COL4A2: variants seen among roughly 807,000 people sequenced by gnomAD.
The protein encoded by COL4A2 is collagen type IV alpha 2 chain.
A neutral mutation model predicts 200.2 loss-of-function variants in COL4A2; 99 were observed. The ratio of observed to expected loss-of-function variants is 0.49; its 90% CI spans 0.42 to 0.58. COL4A2 has a LOEUF of 0.58. Ranked by LOEUF, COL4A2 falls within the 20% of genes least tolerant of loss-of-function variation. The pLI is 0.00. For synonymous variants in COL4A2, 897 were observed against 900.6 expected, an observed-to-expected ratio of 1.00 and a Z score of 0.07; for missense variants, 1,950 against 2,314.1, an observed-to-expected ratio of 0.84 and a Z score of 3.23.
chr13:110,451,285 G>A lies in COL4A2; in HGVS notation c.1339+831G>A, dbSNP rs373144858. ...TAAAGACCAAGCTTGTCCAACCCAC[G>A]GGCCACATGCGGCCCAGGACGGCTT... On this transcript the variant is annotated intron_variant, in intron 20 of 47. Coordinates refer to ENST00000360467, the MANE Select transcript of COL4A2 (RefSeq NM_001846.4). Among the ~76,000 whole-genome samples the A allele has an allele frequency of 4.6e-5, 7 of 152,296 alleles. No homozygotes were observed. In the East Asian group the frequency reaches 9.6e-4, roughly 21 times the overall value.
At chr13:110,313,069 C>CA (rs1474606000) in intron 3 of COL4A2, among the ~76,000 whole-genome samples, 2 of 152,090 alleles carry the variant, frequency 1.3e-5, no homozygotes, top group Non-Finnish European at 1.5e-5. Flanking sequence ...CAGCCTGCAC[C>CA]AGGATATCGC....
chr13:110,336,930 C>T (rs1305445490), intron 3 of COL4A2, among the ~76,000 whole-genome samples: 1 of 152,186 alleles, frequency 6.6e-6, no homozygotes, highest in Non-Finnish European at 1.5e-5. Flanking sequence ...CCTGGGTTGC[C>T]TCTGTGCTCC....
chr13:110,466,975 C>A, intron 26 of COL4A2, 65 bp from the exon 27 acceptor site: 1 of 1,607,420 alleles, frequency 6.2e-7, no homozygotes, highest in Non-Finnish European at 8.5e-7. Context: ...CTTGGGGATC[C>A]CCAAGGCCGT....
At position 110,501,113 on chromosome 13, in the gene COL4A2, G is replaced by T. The variant is rs539223325; in HGVS notation, c.3761-555G>T. Reference sequence around the variant, plus strand: ...TGAATGCCAGTGTTGATTTGGGGGGGATTCCAAGTGAGTTTTAGTGAGTGG... The same window carrying T: ...TGAATGCCAGTGTTGATTTGGGGGGTATTCCAAGTGAGTTTTAGTGAGTGG... On this transcript the variant is annotated intron_variant, in intron 40 of 47. Coordinates refer to ENST00000360467, the MANE Select transcript of COL4A2 (RefSeq NM_001846.4). 7.9e-5 allele frequency among the ~76,000 whole-genome samples: 12 copies of T among 152,280 alleles called. No individual in the cohort carries two copies. In the South Asian group the frequency reaches 1.7e-3, roughly 21 times the overall value.
At chr13:110,393,950 G>A (rs1879090518) in intron 4 of COL4A2, among the ~76,000 whole-genome samples, 1 of 152,078 alleles carries the variant, frequency 6.6e-6, no homozygotes, top group Non-Finnish European at 1.5e-5. Context: ...CATTACTGTA[G>A]GACTCATAGT....
intron 3 of COL4A2, among the ~76,000 whole-genome samples, chr13:110,310,042 C>G (rs1375233767): frequency 1.3e-5 from 2 of 152,198 alleles, no homozygotes; most frequent in Non-Finnish European, 2.9e-5. Context: ...TAGCTCTGCC[C>G]TAATCTCTTA....
chr13:110,404,851 G>C (rs1364030845), intron 4 of COL4A2, among the ~76,000 whole-genome samples: 1 of 152,198 alleles, frequency 6.6e-6, no homozygotes, highest in Non-Finnish European at 1.5e-5. Flanking sequence ...ATGAGTTGGG[G>C]CTGGGCACGG....
intron 32 of COL4A2, 131 bp from the exon 33 acceptor site, chr13:110,484,774 T>C: frequency 1.5e-6 from 2 of 1,327,512 alleles, no homozygotes; most frequent in Non-Finnish European, 2.0e-6. Context: ...TCCGGCGCCC[T>C]TGGTCTCTCT....
chr13:110,336,577 G>A (rs182770841), intron 3 of COL4A2, among the ~76,000 whole-genome samples: 2 of 152,128 alleles, frequency 1.3e-5, no homozygotes, highest in East Asian at 3.9e-4. Context: ...GTGGAGGAAA[G>A]AGTTAAACAT....
At chr13:110,404,852 C>T (rs903286236) in intron 4 of COL4A2, among the ~76,000 whole-genome samples, 3 of 152,196 alleles carry the variant, frequency 2.0e-5, no homozygotes, top group African/African-American at 7.2e-5. Context: ...TGAGTTGGGG[C>T]TGGGCACGGT....
At chr13:110,430,013 AAC>A in intron 8 of COL4A2, 57 bp downstream of exon 8, 1 of 1,489,080 alleles carries the variant, frequency 6.7e-7, no homozygotes, top group Non-Finnish European at 9.0e-7. Context: ...ATTCTCAACT[AAC>A]AAAGTTAATT....
chr13:110,477,131 A>G (rs957268277), intron 29 of COL4A2, among the ~76,000 whole-genome samples: 2 of 152,202 alleles, frequency 1.3e-5, no homozygotes, highest in Non-Finnish European at 2.9e-5. Context: ...GGCAGATCGC[A>G]TGAGCTCAGG....
At chr13:110,438,741 C>A in intron 15 of COL4A2, 73 bp downstream of exon 15, 3 of 1,595,538 alleles carry the variant, frequency 1.9e-6, no homozygotes, top group South Asian at 2.2e-5. Flanking sequence ...CTTTTTAGAG[C>A]TGTTTCAGAT....
rs531467235 is a variant in COL4A2 at position 110,310,375 on chromosome 13, G to T, written c.99+2252G>T. On this transcript the variant is annotated intron_variant, in intron 3 of 47. Coordinates refer to ENST00000360467, the MANE Select transcript of COL4A2 (RefSeq NM_001846.4). ...GCCTCCCCACATGATACCAGAATCT[G>T]GGAACCACTGAGCTACAGTATTGGG... Among the ~76,000 whole-genome samples, 11 of 152,314 alleles carry T rather than the reference G, an allele frequency of 7.2e-5. No individual in the cohort carries two copies. The South Asian group carries it at 2.3e-3, about 32-fold the overall frequency.
intron 3 of COL4A2, among the ~76,000 whole-genome samples, chr13:110,343,616 T>C (rs1333551640): frequency 6.6e-6 from 1 of 152,226 alleles, no homozygotes; most frequent in Non-Finnish European, 1.5e-5. Flanking sequence ...CCCCTGGGAC[T>C]TTGATGGTCA....
chr13:110,402,315 A>G (rs1879399669), intron 4 of COL4A2, among the ~76,000 whole-genome samples: 2 of 152,252 alleles, frequency 1.3e-5, no homozygotes. Flanking sequence ...CATAAGACAG[A>G]CATTTCTATT....
intron 4 of COL4A2, among the ~76,000 whole-genome samples, chr13:110,376,834 C>G (rs554472474): frequency 4.6e-5 from 7 of 152,256 alleles, no homozygotes; most frequent in Non-Finnish European, 8.8e-5. Flanking sequence ...CGAGTGCAGC[C>G]TCAGGTGTTC....
At position 110,307,390 on chromosome 13, in the gene COL4A2, ACCGAAAGGGG is replaced by A. The variant is rs1884801788; in HGVS notation, c.-179_-170del. The A allele has an allele frequency of 4.5e-6, 1 of 222,626 alleles. No individual in the cohort carries two copies. 13.8% of individuals were successfully genotyped at this position (222,626 alleles called of 1,614,324 possible). ...GCGCGTTCGCGGATCCAGGCCGAGG[ACCGAAAGGGG>A]CCGCCCGAGCCCCCGGGGCCGGCGC... is the stretch of plus-strand genomic sequence containing the variant. On this transcript the variant is annotated 5_prime_UTR_variant, in exon 1 of 48. Transcript: ENST00000360467. The surrounding 1 kb of genome is among the most constrained non-coding windows in gnomAD (Gnocchi z 5.0).
At chr13:110,463,555 G>A (rs1438885370) in intron 24 of COL4A2, among the ~76,000 whole-genome samples, 3 of 152,196 alleles carry the variant, frequency 2.0e-5, no homozygotes, top group Middle Eastern at 3.4e-3. Flanking sequence ...TAGTTTTAAC[G>A]TGGGTCATGT....
Sources: allele counts gnomAD v4.1 joint callset (sites outside exome capture counted in the v4.1 genomes callset), GRCh38; gene constraint gnomAD v4.1.1; non-coding constraint Gnocchi (gnomAD v3.1); transcripts MANE v1.5; gene names NCBI Gene and HGNC (gene_info 2026-07-23, HGNC 2026-07-21).